Variants in PCDHGA4 observed in about 807,000 individuals in gnomAD.
PCDHGA4 encodes protocadherin gamma-A4.
In PCDHGA4, 38 loss-of-function variants were observed where a neutral mutation model predicts 54.6. The ratio of observed to expected loss-of-function variants is 0.70; its 90% CI spans 0.54 to 0.91. The LOEUF (loss-of-function observed/expected upper bound fraction) is 0.91. Among genes scored for constraint, PCDHGA4 ranks in the 40% least tolerant of loss-of-function variants. The probability of loss-of-function intolerance (pLI) is 0.00; values close to 1 mark genes in which losing one functional copy is unlikely to be tolerated. For missense variants in PCDHGA4, 1,298 were observed against 1,220.9 expected (o/e 1.06, Z -0.94); for synonymous variants, 511 against 512.9 (o/e 1.00, Z 0.05).
Position 141,431,529 on chromosome 5 carries a change from T to G in PCDHGA4, c.2515-63278T>G, listed in dbSNP as rs145601545. The G allele has an allele frequency of 2.5e-6, 4 of 1,614,074 alleles. No homozygotes were observed. The highest frequency in any genetic ancestry group is 3.4e-6 in the Non-Finnish European group (4 of 1,180,030). ...GCGAGCGTTCCGGAGAATCTGGCCT[T>G]GGGCACGCAGCTGCTTGTAGTCAAC... On this transcript the variant is annotated intron_variant, in intron 1 of 3. Coordinates refer to ENST00000571252, the MANE Select transcript of PCDHGA4 (RefSeq NM_018917.4). The surrounding 1 kb of genome is among the most constrained non-coding windows in gnomAD (Gnocchi z 4.8).
In PCDHGA4 at chr5:141,403,718, C is replaced by T. The variant is rs77227638; in HGVS notation, c.2514+46097C>T. 9.8e-3 allele frequency: 15,884 copies of T among 1,613,838 alleles called. 137 individuals carry two copies. The highest frequency in any genetic ancestry group is 0.011 in the Non-Finnish European group (12,686 of 1,179,868). ...CCGAGTTAAAGTCCTTGAGAACGTG[C>T]CCCCAGGCACCTGGCTGCTTACTGC... On this transcript the variant is annotated intron_variant, in intron 1 of 3. Coordinates refer to ENST00000571252, the MANE Select transcript of PCDHGA4 (RefSeq NM_018917.4).
At chr5:141,478,586 T>C (rs754157570) in intron 1 of PCDHGA4, 6 of 1,576,788 alleles carry the variant, frequency 3.8e-6, no homozygotes, top group Non-Finnish European at 3.4e-6. Context: ...GTTAGTGCTT[T>C]TTTATTCCTA....
chr5:141,401,342 C>CA (rs929380194), intron 1 of PCDHGA4, among the ~76,000 whole-genome samples: 26 of 150,494 alleles, frequency 1.7e-4, no homozygotes, highest in East Asian at 1.6e-3. Context: ...AACTCCATCT[C>CA]AAAAAAAAGG....
Position 141,491,205 on chromosome 5 carries a change from A to G in PCDHGA4, c.2515-3602A>G, listed in dbSNP as rs2233609. 2,395 of 1,613,578 alleles carry G rather than the reference A, an allele frequency of 1.5e-3. 36 individuals are homozygous for G. The African/African-American group carries it at 0.028, about 19-fold the overall frequency. On this transcript the variant is annotated intron_variant, in intron 1 of 3. Coordinates refer to ENST00000571252, the MANE Select transcript of PCDHGA4 (RefSeq NM_018917.4). This position sits in a 1 kb window ranked among gnomAD's most constrained non-coding sequence, Gnocchi z 6.9. The stretch of plus-strand genomic sequence containing the variant: ...TGGTGAGGGACAATGGTGACCCTTC[A>G]CTCTCCTCCACAGCCACAGTGCTGC...
chr5:141,431,748 G>T lies in PCDHGA4; in HGVS notation c.2515-63059G>T. 1 of 1,614,196 alleles carries T rather than the reference G, an allele frequency of 6.2e-7. No homozygotes were observed. Among genetic ancestry groups the T allele is most frequent in the Non-Finnish European group, 8.5e-7 (1 of 1,180,042 alleles). Reference sequence around the variant, plus strand: ...ATGGATAATGCAGGATATTCTGCGCGAGCCAAAGTCCTGATCACTGTTCTG... The same window carrying T: ...ATGGATAATGCAGGATATTCTGCGCTAGCCAAAGTCCTGATCACTGTTCTG... On this transcript the variant is annotated intron_variant, in intron 1 of 3. Transcript: ENST00000571252. This position sits in a 1 kb window ranked among gnomAD's most constrained non-coding sequence, Gnocchi z 4.8.
chr5:141,366,636 T>A lies in PCDHGA4; in HGVS notation c.2514+9015T>A, dbSNP rs374724936. On this transcript the variant is annotated intron_variant, in intron 1 of 3. Coordinates refer to ENST00000571252, the MANE Select transcript of PCDHGA4 (RefSeq NM_018917.4). The stretch of plus-strand genomic sequence containing the variant: ...GCGGACTCGAGGAAGAGTCACCTGA[T>A]CTTTCCCCAGCCCAACTACGCAGAC... 1.5e-5 allele frequency: 24 copies of A among 1,614,122 alleles called. No homozygotes were observed. In the African/African-American group the frequency reaches 2.7e-4, roughly 18 times the overall value.
chr5:141,376,009 A>G lies in PCDHGA4; in HGVS notation c.2514+18388A>G, dbSNP rs111388524. 32 of 1,613,224 alleles carry G rather than the reference A, an allele frequency of 2.0e-5. No homozygotes were observed. In the South Asian group the frequency reaches 3.5e-4, roughly 18 times the overall value. On this transcript the variant is annotated intron_variant, in intron 1 of 3. Transcript: ENST00000571252. ...ACAGAGACGCGCTCAAGCAGAGCCT[A>G]GTGGTGGCCGTCCAGGACCACGGCC...
chr5:141,510,959 G>A lies in PCDHGA4; in HGVS notation c.2675G>A (p.Gly892Glu). 6.2e-7 allele frequency: 1 copy of A among 1,614,110 alleles called. No individual in the cohort carries two copies. Among genetic ancestry groups the A allele is most frequent in the Non-Finnish European group, 8.5e-7 (1 of 1,180,012 alleles). Residue 892 changes from glycine to glutamate, a missense_variant, in exon 4 of 4, where the codon GGG becomes GAG. Coordinates refer to ENST00000571252, the MANE Select transcript of PCDHGA4 (RefSeq NM_018917.4). ...TCTGTCTCTGCAGAAGCTGCTGATG[G>A]GAGCTCCACCCTGGGAGGGGGTGCC... ...ILASASEAADGSSTLGGGAGT... is the reference protein window; with the variant it reads ...ILASASEAADESSTLGGGAGT...
intron 1 of PCDHGA4, chr5:141,413,762 C>A: frequency 1.2e-6 from 2 of 1,612,894 alleles, no homozygotes; most frequent in Non-Finnish European, 8.5e-7. Flanking sequence ...GTCAAGTACC[C>A]GGAGCTGGTA....
rs760878091 is a variant in PCDHGA4 at position 141,476,406 on chromosome 5, T to A, written c.2515-18401T>A. The A allele has an allele frequency of 6.2e-7, 1 of 1,614,054 alleles. No individual in the cohort carries two copies. The highest frequency in any genetic ancestry group is 8.5e-7 in the Non-Finnish European group (1 of 1,180,002). On this transcript the variant is annotated intron_variant, in intron 1 of 3. Transcript: ENST00000571252. The surrounding 1 kb of genome is among the most constrained non-coding windows in gnomAD (Gnocchi z 7.6). Reference sequence around the variant, plus strand: ...AACGACCGTCTGGATCGAGAGGAGCTGTGTGGGACACTGCCCTCTTGCACT... The same window carrying A: ...AACGACCGTCTGGATCGAGAGGAGCAGTGTGGGACACTGCCCTCTTGCACT...
At chr5:141,482,862 A>G (rs1169526338) in intron 1 of PCDHGA4, among the ~76,000 whole-genome samples, 1 of 152,180 alleles carries the variant, frequency 6.6e-6, no homozygotes, top group Non-Finnish European at 1.5e-5. Context: ...ACTTGAGGTC[A>G]GGAGTTTGAA....
rs539878473 is a variant in PCDHGA4 at position 141,501,595 on chromosome 5, C to T, written c.2574-3798C>T. Reference sequence around the variant, plus strand: ...GCTGGCTTTCAGGTTGCAACTCTACCAGTTCCAGCTGTGTGACTCTGGTAT... The same window carrying T: ...GCTGGCTTTCAGGTTGCAACTCTACTAGTTCCAGCTGTGTGACTCTGGTAT... On this transcript the variant is annotated intron_variant, in intron 2 of 3. Coordinates refer to ENST00000571252, the MANE Select transcript of PCDHGA4 (RefSeq NM_018917.4). Among the ~76,000 whole-genome samples the T allele has an allele frequency of 9.9e-5, 15 of 152,164 alleles. No homozygotes were observed. In the East Asian group the frequency reaches 2.9e-3, roughly 30 times the overall value.
At chr5:141,471,046 CTT>C (rs1170588345) in intron 1 of PCDHGA4, among the ~76,000 whole-genome samples, 2,578 of 113,210 alleles carry the variant, frequency 0.023, 53 homozygotes, top group East Asian at 0.11. Context: ...CCCAAGCCCT[CTT>C]TTTTTTTTTT....
rs571571659 is a variant in PCDHGA4, at chr5:141,355,805, G to T, written c.698G>T (p.Arg233Leu). The T allele has an allele frequency of 6.2e-7, 1 of 1,613,322 alleles. No individual in the cohort carries two copies. Among genetic ancestry groups the T allele is most frequent in the South Asian group, 1.1e-5 (1 of 90,978 alleles). ...CTGGTGCTGGAACGCGCTCTAGATCGCGAGGAAGAGGCGGTTCACCACCTC... is the reference window on the plus strand; with the variant it reads ...CTGGTGCTGGAACGCGCTCTAGATCTCGAGGAAGAGGCGGTTCACCACCTC... ...PELVLERALDREEEAVHHLVL... is the reference protein window; with the variant it reads ...PELVLERALDLEEEAVHHLVL... Residue 233 changes from arginine (R) to leucine (L), a missense_variant, in exon 1 of 4, where the codon CGC becomes CTC. Transcript: ENST00000571252.
chr5:141,413,684 C>T, intron 1 of PCDHGA4: 1 of 1,613,838 alleles, frequency 6.2e-7, no homozygotes, highest in Non-Finnish European at 8.5e-7. Context: ...GGCGTGAACT[C>T]CCTGCAGAGC....
chr5:141,403,201 C>T (rs1486888915), intron 1 of PCDHGA4: 2 of 1,614,002 alleles, frequency 1.2e-6, no homozygotes, highest in South Asian at 1.1e-5. Context: ...GCAGCGGCAC[C>T]TTGGTCACCG....
At chr5:141,507,349 A>G (rs537480798) in intron 3 of PCDHGA4, 1 of 152,236 alleles carries the variant, frequency 6.6e-6, no homozygotes, top group African/African-American at 2.4e-5. Flanking sequence ...CTGAAATTCA[A>G]ATTTAACTGG....
chr5:141,422,513 G>T, intron 1 of PCDHGA4: 2 of 1,614,000 alleles, frequency 1.2e-6, no homozygotes, highest in Non-Finnish European at 1.7e-6. Context: ...ACAGACCAGG[G>T]AAGCCCGCCT....
At chr5:141,492,859 C>G (rs966216924) in intron 1 of PCDHGA4, among the ~76,000 whole-genome samples, 1 of 152,232 alleles carries the variant, frequency 6.6e-6, no homozygotes, top group Non-Finnish European at 1.5e-5. Context: ...CTCGAGCGCC[C>G]TGGCTCTCAA....
Sources: allele counts gnomAD v4.1 joint callset (sites outside exome capture counted in the v4.1 genomes callset), GRCh38; gene constraint gnomAD v4.1.1; non-coding constraint Gnocchi (gnomAD v3.1); transcripts MANE v1.5; gene names NCBI Gene and HGNC (gene_info 2026-07-23, HGNC 2026-07-21).